Variants in SNX5 observed in about 807,000 individuals in gnomAD.
SNX5 encodes the protein sorting nexin 5.
A neutral mutation model predicts 53.9 loss-of-function variants in SNX5; 31 were observed. That is an observed-to-expected ratio of 0.58 (90% confidence interval 0.43 to 0.78). The LOEUF is 0.78. Ranked by LOEUF, SNX5 falls within the 30% of genes least tolerant of loss-of-function variation. The pLI, the probability that SNX5 is intolerant of heterozygous loss-of-function variation, is 0.00. For synonymous variants in SNX5, 168 were observed against 171.1 expected (o/e 0.98, Z 0.14); for missense variants, 471 against 478.8 (o/e 0.98, Z 0.15).
rs549069341 is a variant in SNX5 at position 17,956,986 on chromosome 20, T to C, written c.103A>G (p.Ile35Val). Residue 35 changes from isoleucine (I) to valine (V), a missense_variant, in exon 2 of 13, where the codon ATA becomes GTA. By Grantham distance (29) the Ile-to-Val change is conservative. Transcript: ENST00000377759. ...TCTCTCTCACTGAGCGCATCAGGTA[T>C]GTCAATCTGAAGCGAGGGATCAACA... Reference protein sequence around the residue: ...LNVDPSLQIDIPDALSERDKV... With the variant: ...LNVDPSLQIDVPDALSERDKV... 7 of 1,610,980 alleles carry C rather than the reference T, an allele frequency of 4.3e-6. No homozygotes were observed. The South Asian group carries it at 6.6e-5, about 15-fold the overall frequency.
rs369555383 is a variant in SNX5, at chr20:17,943,093, C to A, written c.1164+17G>T. 1.1e-5 allele frequency: 17 copies of A among 1,518,828 alleles called. No individual in the cohort carries two copies. Among genetic ancestry groups the A allele is most frequent in the Middle Eastern group, 2.0e-4 (1 of 4,924 alleles). The allele number at this position is 1,518,828 out of a possible 1,614,324, so 94.1% of individuals were successfully genotyped here. A position where few individuals can be genotyped will look rare whatever the true frequency, so the allele number is the denominator to read the frequency against. On this transcript the variant is annotated intron_variant, in intron 12 of 12. Coordinates refer to ENST00000377759, the MANE Select transcript of SNX5 (RefSeq NM_014426.4). Reference sequence around the variant, plus strand: ...AAACCATAAAAGATGTTGGCTTCATCTGTAGAAAACACTTACCCTGGCATG... The same window carrying A: ...AAACCATAAAAGATGTTGGCTTCATATGTAGAAAACACTTACCCTGGCATG...
intron 1 of SNX5, 48 bp downstream of exon 1, chr20:17,968,327 A>AG: frequency 8.1e-7 from 1 of 1,238,436 alleles, no homozygotes; most frequent in Non-Finnish European, 1.0e-6. Flanking sequence ...GCGACCCCGG[A>AG]GCTCGCAGGG....
At position 17,942,150 on chromosome 20, in the gene SNX5, A is replaced by T; in HGVS notation, c.*207T>A. On this transcript the variant is annotated 3_prime_UTR_variant, in exon 13 of 13. Coordinates refer to ENST00000377759, the MANE Select transcript of SNX5 (RefSeq NM_014426.4). ...TTCTGCCCAGAGGTATTAAATGCAC[A>T]AGGAAAAATTAGTTATGTCCAAGTA... 1.8e-6 allele frequency: 1 copy of T among 551,244 alleles called. No individual in the cohort carries two copies. The allele number at this position is 551,244 out of a possible 1,614,324, so 34.1% of individuals were successfully genotyped here. A position where few individuals can be genotyped will look rare whatever the true frequency, so the allele number is the denominator to read the frequency against.
chr20:17,962,876 C>G (rs567708592), intron 1 of SNX5: 2 of 517,676 alleles, frequency 3.9e-6, no homozygotes, highest in Non-Finnish European at 7.7e-6. Context: ...GTTCCTAGAA[C>G]AGGAACTGAG....
intron 11 of SNX5, among the ~76,000 whole-genome samples, chr20:17,945,905 A>G (rs893170344): frequency 6.6e-6 from 1 of 152,246 alleles, no homozygotes; most frequent in African/African-American, 2.4e-5. Context: ...AAGTTAGGAA[A>G]AAACTAAGTA....
chr20:17,961,528 G>GTA, intron 1 of SNX5: 1 of 985,256 alleles, frequency 1.0e-6, no homozygotes, highest in Non-Finnish European at 1.2e-6. Flanking sequence ...ATAGTCATTT[G>GTA]TATACAATGT....
intron 11 of SNX5, among the ~76,000 whole-genome samples, chr20:17,946,599 TG>T (rs977559943): frequency 9.8e-5 from 15 of 152,328 alleles, no homozygotes; most frequent in South Asian, 6.2e-4. Context: ...AAGGCTTTTT[TG>T]TAGTAGGATG....
chr20:17,961,315 G>C, intron 1 of SNX5: 1 of 985,388 alleles, frequency 1.0e-6, no homozygotes, highest in South Asian at 4.7e-5. Context: ...AGGGCAAAGG[G>C]CACCTGGATG....
Position 17,950,223 on chromosome 20 carries a change from C to T in SNX5, c.716-16G>A. On this transcript the variant is annotated splice_polypyrimidine_tract_variant and intron_variant, in intron 7 of 12. Transcript: ENST00000377759. ...TCGGCAACATCTGCAGAAACAAGGA[C>T]AAGTCTTTTTATCCAAACACAGCCA... The T allele has an allele frequency of 6.2e-7, 1 of 1,614,092 alleles. No homozygotes were observed. Among genetic ancestry groups the T allele is most frequent in the South Asian group, 1.1e-5 (1 of 91,080 alleles).
Position 17,947,493 on chromosome 20 carries a change from TG to T in SNX5, c.1070del (p.Ala357GlufsTer5). Reference protein sequence around the residue: ...CQKFEQLSESAKEELINFKRK... With the variant: ...CQKFEQLSESXKEELINFKRK... ...AAGAATGTCCTGCTCAACCTTCTTT[TG>T]CAGATTCGGAAAGTTGTTCAAATTT... On this transcript the variant is annotated frameshift_variant, in exon 11 of 13. Transcript: ENST00000377759. LOFTEE classifies it high-confidence loss of function. 3 of 1,612,862 alleles carry T rather than the reference TG, an allele frequency of 1.9e-6. No individual in the cohort carries two copies. Among genetic ancestry groups the T allele is most frequent in the Non-Finnish European group, 2.5e-6 (3 of 1,179,522 alleles).
At chr20:17,944,891 TG>T (rs985646014) in intron 11 of SNX5, 5 of 152,250 alleles carry the variant, frequency 3.3e-5, no homozygotes, top group African/African-American at 1.2e-4. Context: ...TCGGCATTAA[TG>T]ACCCATTGGA....
At chr20:17,959,407 A>C (rs2035413823) in intron 1 of SNX5, among the ~76,000 whole-genome samples, 1 of 152,144 alleles carries the variant, frequency 6.6e-6, no homozygotes, top group African/African-American at 2.4e-5. Context: ...TGAAGACAAA[A>C]AGAAGAAAAC....
rs200278230 is a variant in SNX5, at chr20:17,942,431, G to C, written c.1165-24C>G. ...TTCTGTGGGGAAAAAAGGCAAGGCA[G>C]ACCAGTGAATTATTAAAACTTGCCA... On this transcript the variant is annotated intron_variant, in intron 12 of 12. Coordinates refer to ENST00000377759, the MANE Select transcript of SNX5 (RefSeq NM_014426.4). 5.0e-6 allele frequency: 8 copies of C among 1,589,248 alleles called. No individual in the cohort carries two copies. The South Asian group carries it at 7.7e-5, about 15-fold the overall frequency.
chr20:17,960,509 G>A (rs1466353308), intron 1 of SNX5, among the ~76,000 whole-genome samples: 1 of 152,168 alleles, frequency 6.6e-6, no homozygotes, highest in Non-Finnish European at 1.5e-5. Context: ...TAGGAGAATC[G>A]CTTGAACCCA....
At chr20:17,953,249 C>T (rs966174059) in intron 4 of SNX5, among the ~76,000 whole-genome samples, 3 of 152,002 alleles carry the variant, frequency 2.0e-5, no homozygotes, top group Non-Finnish European at 2.9e-5. Context: ...TTGAGTGCTG[C>T]CCTAGATGAC....
At chr20:17,964,812 C>T (rs2035511745) in intron 1 of SNX5, among the ~76,000 whole-genome samples, 3 of 152,154 alleles carry the variant, frequency 2.0e-5, no homozygotes. Flanking sequence ...AATGCTGAAA[C>T]AGCAGAATTT....
rs931654225 is a variant in SNX5, at chr20:17,965,595, C to G, written c.51+2780G>C. On this transcript the variant is annotated intron_variant, in intron 1 of 12. Coordinates refer to ENST00000377759, the MANE Select transcript of SNX5 (RefSeq NM_014426.4). ...TGAGGTGGGGGTGATCACCTGAGCT[C>G]CCCAGGTCGAGGCTGCAGTGAGTTG... Among the ~76,000 whole-genome samples the G allele has an allele frequency of 3.5e-4, 53 of 151,678 alleles. 3 individuals are homozygous for G. The highest frequency in any genetic ancestry group is 1.5e-5 in the Non-Finnish European group (1 of 67,938).
At chr20:17,942,971 G>A in intron 12 of SNX5, 139 bp downstream of exon 12, 7 of 627,976 alleles carry the variant, frequency 1.1e-5, no homozygotes, top group South Asian at 8.4e-5. Flanking sequence ...AACAATGAGT[G>A]GCTCCCATCA....
intron 6 of SNX5, 59 bp downstream of exon 6, chr20:17,951,441 A>C (rs1456700429): frequency 2.5e-5 from 24 of 954,950 alleles, no homozygotes; most frequent in Non-Finnish European, 3.6e-5. Context: ...CAAAGAAACA[A>C]AAGGTCACCT....
Sources: allele counts gnomAD v4.1 joint callset (sites outside exome capture counted in the v4.1 genomes callset), GRCh38; gene constraint gnomAD v4.1.1; transcripts MANE v1.5; gene names NCBI Gene and HGNC (gene_info 2026-07-23, HGNC 2026-07-21).